Variants in PAM observed in about 807,000 individuals in gnomAD.
PAM encodes the protein peptidylglycine alpha-amidating monooxygenase.
In PAM, 72 loss-of-function variants were observed where a neutral mutation model predicts 122.1. The observed-to-expected ratio is 0.59, with a 90% CI of 0.49 to 0.72. The LOEUF is 0.72. Ranked by LOEUF, PAM falls within the 30% of genes least tolerant of loss-of-function variation. PAM has a pLI of 0.00. For synonymous variants in PAM, 389 were observed against 404.4 expected, an observed-to-expected ratio of 0.96 and a Z score of 0.46; for missense variants, 1,106 against 1,183.7, an observed-to-expected ratio of 0.93 and a Z score of 0.96.
intron 1 of PAM, among the ~76,000 whole-genome samples, chr5:102,857,087 C>T (rs1782839036): frequency 1.3e-5 from 2 of 152,068 alleles, no homozygotes; most frequent in South Asian, 4.2e-4. Flanking sequence ...TTTAAAGTTT[C>T]AGCTAGTAAT....
intron 3 of PAM, among the ~76,000 whole-genome samples, chr5:102,885,730 G>T (rs968699901): frequency 1.3e-5 from 2 of 151,996 alleles, no homozygotes; most frequent in African/African-American, 4.8e-5. Flanking sequence ...CTTTAACTCT[G>T]CCAGAGGTGA....
intron 1 of PAM, among the ~76,000 whole-genome samples, chr5:102,760,266 A>G (rs1013338536): frequency 2.0e-5 from 3 of 152,146 alleles, no homozygotes; most frequent in East Asian, 1.9e-4. Flanking sequence ...TTCACATCAC[A>G]TGGGGGGAAC....
Position 103,012,707 on chromosome 5 carries a change from T to A in PAM, c.2331+2841T>A, listed in dbSNP as rs577475719. ...GTCTCTATTAAAAATACAAAAAAAA[T>A]TAGCCAGGCATAGTGGTGGGCGCCT... On this transcript the variant is annotated intron_variant, in intron 21 of 25. Transcript: ENST00000438793. Among the ~76,000 whole-genome samples the A allele has an allele frequency of 2.0e-5, 3 of 151,992 alleles. No individual in the cohort carries two copies. The South Asian group carries it at 6.2e-4, about 32-fold the overall frequency.
At chr5:102,939,385 C>T (rs1325654785) in intron 7 of PAM, among the ~76,000 whole-genome samples, 3 of 152,062 alleles carry the variant, frequency 2.0e-5, no homozygotes, top group Non-Finnish European at 2.9e-5. Flanking sequence ...TTTGCAAGTA[C>T]GTCTTATCCT....
At chr5:102,842,987 T>C (rs1779026904) in intron 1 of PAM, among the ~76,000 whole-genome samples, 1 of 152,180 alleles carries the variant, frequency 6.6e-6, no homozygotes, top group Admixed American at 6.5e-5. Flanking sequence ...AATGTGGTTT[T>C]AAGAAGCAAG....
At chr5:102,873,517 T>A (rs1350268961) in intron 3 of PAM, 2 of 152,424 alleles carry the variant, frequency 1.3e-5, no homozygotes, top group Non-Finnish European at 2.9e-5. Flanking sequence ...GCAGCCATGG[T>A]CCAGCCTACC....
intron 7 of PAM, among the ~76,000 whole-genome samples, chr5:102,929,950 A>T (rs144603907): frequency 6.6e-6 from 1 of 152,022 alleles, no homozygotes; most frequent in African/African-American, 2.4e-5. Flanking sequence ...TCTTCTTCCA[A>T]TGTGGCCCAG....
chr5:102,958,397 A>T (rs974941913), intron 12 of PAM, among the ~76,000 whole-genome samples: 1 of 151,874 alleles, frequency 6.6e-6, no homozygotes, highest in Non-Finnish European at 1.5e-5. Context: ...CCTTTTTTTT[A>T]AAGCAGGAAA....
At chr5:103,021,711 T>C (rs1783603389) in intron 23 of PAM, among the ~76,000 whole-genome samples, 1 of 152,166 alleles carries the variant, frequency 6.6e-6, no homozygotes, top group Non-Finnish European at 1.5e-5. Context: ...TCATTAAACC[T>C]TTAAGATTAT....
intron 1 of PAM, among the ~76,000 whole-genome samples, chr5:102,769,387 TGGC>T (rs1283449553): frequency 1.3e-5 from 2 of 152,192 alleles, no homozygotes; most frequent in Non-Finnish European, 2.9e-5. Context: ...CTTGCTTTGG[TGGC>T]CTGTGCTTAT....
chr5:102,975,918 C>A (rs960767544), intron 15 of PAM, among the ~76,000 whole-genome samples: 4 of 151,952 alleles, frequency 2.6e-5, no homozygotes, highest in African/African-American at 9.7e-5. Context: ...TGTCAGTGTC[C>A]CAGTCAGAAT....
At chr5:102,922,753 T>C (rs968229208) in intron 5 of PAM, among the ~76,000 whole-genome samples, 1 of 152,372 alleles carries the variant, frequency 6.6e-6, no homozygotes, top group South Asian at 2.1e-4. Context: ...TTGTAATGTT[T>C]ATGATCTTTG....
chr5:103,028,175 T>G lies in PAM; in HGVS notation c.2690-10T>G, dbSNP rs1267264481. The G allele has an allele frequency of 1.2e-6, 2 of 1,610,894 alleles. No homozygotes were observed. ...GACTCATTTTGAAATGTGCCATCTT[T>G]TTTTAGCAGATTCTGAACACAAACT... On this transcript the variant is annotated splice_polypyrimidine_tract_variant and intron_variant, in intron 24 of 25. Coordinates refer to ENST00000438793, the MANE Select transcript of PAM (RefSeq NM_001177306.2).
At chr5:102,990,107 G>A in intron 15 of PAM, 165 bp from the exon 16 acceptor site, 1 of 403,344 alleles carries the variant, frequency 2.5e-6, no homozygotes, top group Non-Finnish European at 4.3e-6. Context: ...AAAGCTACTT[G>A]GAATGTGCAT....
chr5:102,807,030 A>C (rs963732465), intron 1 of PAM, among the ~76,000 whole-genome samples: 2 of 152,242 alleles, frequency 1.3e-5, no homozygotes, highest in Non-Finnish European at 2.9e-5. Context: ...GCTGAGATCT[A>C]AATATACAGT....
chr5:102,987,799 A>C (rs2150729385), intron 15 of PAM, among the ~76,000 whole-genome samples: 1 of 152,272 alleles, frequency 6.6e-6, no homozygotes, highest in African/African-American at 2.4e-5. Flanking sequence ...ATCCACTTCT[A>C]TACCTAGGAT....
intron 1 of PAM, among the ~76,000 whole-genome samples, chr5:102,830,057 G>T (rs959031858): frequency 6.6e-6 from 1 of 152,150 alleles, no homozygotes; most frequent in Non-Finnish European, 1.5e-5. Context: ...CCTGCTCTAG[G>T]TAAATATTTC....
At chr5:102,970,888 ACTCTGC>A (rs1176608014) in intron 14 of PAM, among the ~76,000 whole-genome samples, 1 of 151,798 alleles carries the variant, frequency 6.6e-6, no homozygotes, top group Non-Finnish European at 1.5e-5. Flanking sequence ...CTCACTGCAA[ACTCTGC>A]CTCTGGGGTT....
At chr5:102,865,526 G>C in intron 1 of PAM, 1 of 152,414 alleles carries the variant, frequency 6.6e-6, no homozygotes, top group East Asian at 1.9e-4. Context: ...GAGAAATTCA[G>C]ACTGGGGTGG....
Sources: allele counts gnomAD v4.1 joint callset (sites outside exome capture counted in the v4.1 genomes callset), GRCh38; gene constraint gnomAD v4.1.1; transcripts MANE v1.5; gene names NCBI Gene and HGNC (gene_info 2026-07-23, HGNC 2026-07-21).